The following CSNK1D variants were observed in gnomAD, a reference collection of about 807,000 sequenced individuals.
CSNK1D encodes casein kinase 1 delta, also known as casein kinase I isoform delta.
A neutral mutation model predicts 46.6 loss-of-function variants in CSNK1D; 16 were observed. The ratio of observed to expected loss-of-function variants is 0.34; its 90% CI spans 0.23 to 0.52. CSNK1D has a LOEUF of 0.52. Ranked by LOEUF, CSNK1D falls within the 20% of genes least tolerant of loss-of-function variation. The pLI is 0.95. For missense variants in CSNK1D, 398 were observed against 578.4 expected (o/e 0.69, Z 3.20); for synonymous variants, 276 against 228.2 (o/e 1.21, Z -1.89).
At chr17:82,265,459 G>A (rs1020499281) in intron 2 of CSNK1D, 12 of 531,478 alleles carry the variant, frequency 2.3e-5, no homozygotes, top group Non-Finnish European at 3.1e-5. Context: ...GATTCCAGGC[G>A]TGAGCCACCA....
At chr17:82,265,652 C>T (rs769009482) in intron 2 of CSNK1D, 34 bp downstream of exon 2, 2 of 1,514,506 alleles carry the variant, frequency 1.3e-6, no homozygotes, top group Non-Finnish European at 1.8e-6. Context: ...TCAAACAGAA[C>T]CCTGGTGTTG....
intron 2 of CSNK1D, among the ~76,000 whole-genome samples, chr17:82,263,391 T>G (rs8069256): frequency 6.6e-6 from 1 of 152,138 alleles, no homozygotes; most frequent in Non-Finnish European, 1.5e-5. Context: ...GGCAGGAACA[T>G]GAAGGTGCAG....
intron 8 of CSNK1D, chr17:82,246,858 G>C (rs1436422096): frequency 6.1e-6 from 6 of 986,090 alleles, no homozygotes; most frequent in Non-Finnish European, 7.2e-6. Flanking sequence ...ACTGCCCACG[G>C]TGACTGTGTC....
intron 8 of CSNK1D, chr17:82,245,608 C>T (rs959485097): frequency 6.0e-6 from 2 of 334,028 alleles, no homozygotes; most frequent in Non-Finnish European, 1.2e-5. Context: ...CCAGGCACGG[C>T]CGACCGCAGA....
rs2050971544 is a variant in CSNK1D at position 82,250,367 on chromosome 17, T to C, written c.886-765A>G. 4.8e-6 allele frequency: 2 copies of C among 420,072 alleles called. No homozygotes were observed. Among genetic ancestry groups the C allele is most frequent in the Non-Finnish European group, 8.8e-6 (2 of 226,398 alleles). The allele number at this position is 420,072 out of a possible 1,614,324, so 26.0% of individuals were successfully genotyped here. A position where few individuals can be genotyped will look rare whatever the true frequency, so the allele number is the denominator to read the frequency against. On this transcript the variant is annotated intron_variant, in intron 6 of 8. Transcript: ENST00000314028. The surrounding 1 kb of genome is among the most constrained non-coding windows in gnomAD (Gnocchi z 4.6). Reference sequence around the variant, plus strand: ...ACCGTGCGGCCAGCACCGCCCAGACTCCTCATGCTGCCATTTACGGAAAAC... The same window carrying C: ...ACCGTGCGGCCAGCACCGCCCAGACCCCTCATGCTGCCATTTACGGAAAAC...
At chr17:82,264,797 C>CTTTT (rs528693963) in intron 2 of CSNK1D, among the ~76,000 whole-genome samples, 18 of 133,360 alleles carry the variant, frequency 1.3e-4, no homozygotes, top group African/African-American at 4.4e-4. Flanking sequence ...CACACAAAAT[C>CTTTT]TTTTTTTTTT....
At chr17:82,247,469 T>C in intron 8 of CSNK1D, 7 of 985,502 alleles carry the variant, frequency 7.1e-6, no homozygotes, top group Non-Finnish European at 7.2e-6. Context: ...CTCAGGCCCC[T>C]TCCCTAGTCT....
At position 82,251,744 on chromosome 17, in the gene CSNK1D, A is replaced by T; in HGVS notation, c.737-217T>A. ...GGCGGCTCACGCCTGTCACCCCAGC[A>T]CTCTAGGAGGCTGAGGAGGGCGGAT... On this transcript the variant is annotated intron_variant, in intron 5 of 8. Transcript: ENST00000314028. This position sits in a 1 kb window ranked among gnomAD's most constrained non-coding sequence, Gnocchi z 4.5. The T allele has an allele frequency of 3.3e-6, 2 of 597,276 alleles. No homozygotes were observed. Among genetic ancestry groups the T allele is most frequent in the South Asian group, 3.5e-5 (2 of 56,952 alleles). 37.0% of individuals were successfully genotyped at this position (597,276 alleles called of 1,614,324 possible).
Position 82,273,170 on chromosome 17 carries a change from C to G in CSNK1D, c.76+136G>C. On this transcript the variant is annotated intron_variant, in intron 1 of 8. Transcript: ENST00000314028. The surrounding 1 kb of genome is among the most constrained non-coding windows in gnomAD (Gnocchi z 5.1). ...GCGCTAGCCTAGTGGCCGTTGGGTTCTGGCCACGATCCGGCGGTGCCGGGA... is the reference window on the plus strand; with the variant it reads ...GCGCTAGCCTAGTGGCCGTTGGGTTGTGGCCACGATCCGGCGGTGCCGGGA... 1 of 879,036 alleles carries G rather than the reference C, an allele frequency of 1.1e-6. No individual in the cohort carries two copies. Among genetic ancestry groups the G allele is most frequent in the Non-Finnish European group, 1.7e-6 (1 of 587,690 alleles). 54.5% of individuals were successfully genotyped at this position (879,036 alleles called of 1,614,324 possible). A position where few individuals can be genotyped will look rare whatever the true frequency, so the allele number is the denominator to read the frequency against.
chr17:82,271,689 G>A (rs944727956), intron 1 of CSNK1D, among the ~76,000 whole-genome samples: 34 of 152,248 alleles, frequency 2.2e-4, no homozygotes, highest in Non-Finnish European at 3.8e-4. Flanking sequence ...GGCACCGAAA[G>A]TATGAGCCAC....
chr17:82,255,587 G>A lies in CSNK1D; in HGVS notation c.188-10C>T. ...ATGGTGGGGATGCCCACTAGGCAAGGAAATCAGACACAGTGTTTCAGTCCA... is the reference window on the plus strand; with the variant it reads ...ATGGTGGGGATGCCCACTAGGCAAGAAAATCAGACACAGTGTTTCAGTCCA... On this transcript the variant is annotated splice_polypyrimidine_tract_variant and intron_variant, in intron 2 of 8. Coordinates refer to ENST00000314028, the MANE Select transcript of CSNK1D (RefSeq NM_001893.6). The surrounding 1 kb of genome is among the most constrained non-coding windows in gnomAD (Gnocchi z 5.9). 1.2e-6 allele frequency: 2 copies of A among 1,614,128 alleles called. No homozygotes were observed. The highest frequency in any genetic ancestry group is 2.2e-5 in the South Asian group (2 of 91,088).
In CSNK1D at chr17:82,253,083, G is replaced by A. The variant is rs1163977423; in HGVS notation, c.498C>T (p.Pro166=). 1 of 1,614,234 alleles carries A rather than the reference G, an allele frequency of 6.2e-7. No homozygotes were observed. Among genetic ancestry groups the A allele is most frequent in the South Asian group, 1.1e-5 (1 of 91,084 alleles). ...YRDARTHQHI[P]YRENKNLTGT... is the part of the protein sequence containing the mutation. The stretch of plus-strand genomic sequence containing the variant: ...CCGTGAGGTTCTTGTTCTCACGATA[G>A]GGGATGTGCTGGTGGGTGCGTGCAT... The change falls in exon 4 of 9, where the codon CCC becomes CCT. Residue 166 remains proline (P), a synonymous_variant. Transcript: ENST00000314028.
chr17:82,251,597 G>A lies in CSNK1D; in HGVS notation c.737-70C>T, dbSNP rs947676564. On this transcript the variant is annotated intron_variant, in intron 5 of 8. Transcript: ENST00000314028. The surrounding 1 kb of genome is among the most constrained non-coding windows in gnomAD (Gnocchi z 4.5). ...GACTCAAGGTGTCTCTGCCAACGTC[G>A]CTGTCTACCTCCTGCTGCTGCACAC... is the stretch of plus-strand genomic sequence containing the variant. 16 of 1,498,294 alleles carry A rather than the reference G, an allele frequency of 1.1e-5. 1 individual carries two copies. The Middle Eastern group carries it at 6.8e-4, about 64-fold the overall frequency. 92.8% of individuals were successfully genotyped at this position (1,498,294 alleles called of 1,614,324 possible). A position where few individuals can be genotyped will look rare whatever the true frequency, so the allele number is the denominator to read the frequency against.
rs1257534698 is a variant in CSNK1D, at chr17:82,252,281, T to A, written c.736+153A>T. On this transcript the variant is annotated intron_variant, in intron 5 of 8. Transcript: ENST00000314028. The surrounding 1 kb of genome is among the most constrained non-coding windows in gnomAD (Gnocchi z 4.6). ...ATGAACAGGAGGGCAGGCTGTTACCTCCATACACAAAAGCGCCCCGCTTTC... is the reference window on the plus strand; with the variant it reads ...ATGAACAGGAGGGCAGGCTGTTACCACCATACACAAAAGCGCCCCGCTTTC... 6.6e-6 allele frequency among the ~76,000 whole-genome samples: 1 copy of A among 152,126 alleles called. No homozygotes were observed. The highest frequency in any genetic ancestry group is 1.5e-5 in the Non-Finnish European group (1 of 68,012).
Position 82,244,520 on chromosome 17 carries a change from C to T in CSNK1D, c.*261G>A, listed in dbSNP as rs2050800374. ...CCTGGAAAAGGAGTCTGATTCTCTG[C>T]AATTCTCTCTCTGCTTTTCTTCCCA... On this transcript the variant is annotated 3_prime_UTR_variant, in exon 9 of 9. Coordinates refer to ENST00000314028, the MANE Select transcript of CSNK1D (RefSeq NM_001893.6). 1 of 1,438,278 alleles carries T rather than the reference C, an allele frequency of 7.0e-7. No individual in the cohort carries two copies. The allele number at this position is 1,438,278 out of a possible 1,614,324, so 89.1% of individuals were successfully genotyped here.
Position 82,250,167 on chromosome 17 carries a change from C to A in CSNK1D, c.886-565G>T. The A allele has an allele frequency of 7.8e-7, 1 of 1,290,044 alleles. No homozygotes were observed. The allele number at this position is 1,290,044 out of a possible 1,614,324, so 79.9% of individuals were successfully genotyped here. On this transcript the variant is annotated intron_variant, in intron 6 of 8. Coordinates refer to ENST00000314028, the MANE Select transcript of CSNK1D (RefSeq NM_001893.6). This position sits in a 1 kb window ranked among gnomAD's most constrained non-coding sequence, Gnocchi z 4.6. The stretch of plus-strand genomic sequence containing the variant: ...GGGGGTGGGGAGGTCAGATTTTAAG[C>A]CGAGACAGCAACCTATGAAAAAGCA...
chr17:82,255,992 G>A lies in CSNK1D; in HGVS notation c.188-415C>T, dbSNP rs1324436867. 6.6e-6 allele frequency among the ~76,000 whole-genome samples: 1 copy of A among 152,238 alleles called. No individual in the cohort carries two copies. Among genetic ancestry groups the A allele is most frequent in the Non-Finnish European group, 1.5e-5 (1 of 68,034 alleles). The stretch of plus-strand genomic sequence containing the variant: ...TGGGAGGAGAGAAAGCAGCTACCGT[G>A]GGTTAGGTGAGAGAAGAAAATATGT... On this transcript the variant is annotated intron_variant, in intron 2 of 8. Coordinates refer to ENST00000314028, the MANE Select transcript of CSNK1D (RefSeq NM_001893.6). This position sits in a 1 kb window ranked among gnomAD's most constrained non-coding sequence, Gnocchi z 5.9.
chr17:82,266,194 T>C (rs765190477), intron 1 of CSNK1D, among the ~76,000 whole-genome samples: 22 of 152,180 alleles, frequency 1.4e-4, no homozygotes, highest in Admixed American at 2.6e-4. Context: ...CCATGCTGCC[T>C]GATAGGCCTC....
intron 8 of CSNK1D, chr17:82,247,114 A>G: frequency 1.0e-6 from 1 of 985,492 alleles, no homozygotes. Flanking sequence ...CCAGGAGCAG[A>G]GGCCAAGAGG....
Sources: gnomAD v4.1 joint callset for allele counts (sites outside exome capture counted in the v4.1 genomes callset) on GRCh38, gnomAD v4.1.1 for gene constraint, Gnocchi (gnomAD v3.1) non-coding constraint, MANE v1.5 for transcripts, NCBI Gene and HGNC (gene_info 2026-07-23, HGNC 2026-07-21) for gene names.